CDH23: variants seen among roughly 807,000 people sequenced by gnomAD.
CDH23 encodes the protein cadherin related 23.
CDH23 carries 189 observed loss-of-function variants against 317.1 expected under a neutral mutation model. That is an observed-to-expected ratio of 0.60 (90% CI 0.53 to 0.67). The LOEUF (loss-of-function observed/expected upper bound fraction) is 0.67, where lower values mean the gene tolerates loss of function less well. Among genes scored for constraint, CDH23 ranks in the 30% least tolerant of loss-of-function variants. CDH23 has a pLI of 0.00. For synonymous variants in CDH23, 1,839 were observed against 1,876.8 expected, an observed-to-expected ratio of 0.98 and a Z score of 0.52; for missense variants, 4,401 against 4,592.4, an observed-to-expected ratio of 0.96 and a Z score of 1.20.
rs75395619 is a variant in CDH23, at chr10:71,618,770, C to G, written c.1134+1377C>G. Among the ~76,000 whole-genome samples the G allele has an allele frequency of 3.2e-3, 490 of 152,182 alleles. 4 individuals carry two copies. Among genetic ancestry groups the G allele is most frequent in the Non-Finnish European group, 4.9e-3 (331 of 68,022 alleles). The stretch of plus-strand genomic sequence containing the variant: ...CTCCTCTCAACCAGACATGGTCCCC[C>G]CAAGGACTCAGGGCACGTGGGCAAG... On this transcript the variant is annotated intron_variant, in intron 11 of 69. Coordinates refer to ENST00000224721, the MANE Select transcript of CDH23 (RefSeq NM_022124.6).
chr10:71,805,627 A>T (rs1160587124), intron 55 of CDH23, among the ~76,000 whole-genome samples, 179 bp from the exon 56 acceptor site: 1 of 152,236 alleles, frequency 6.6e-6, no homozygotes, highest in Admixed American at 6.5e-5. Context: ...GAGGGACAAC[A>T]GCTAGCAGAA....
intron 18 of CDH23, among the ~76,000 whole-genome samples, chr10:71,686,695 C>T (rs1175952151): frequency 6.6e-6 from 1 of 152,146 alleles, no homozygotes; most frequent in Non-Finnish European, 1.5e-5. Context: ...AACATAAAGA[C>T]TGCCCAACGG....
rs1214388786 is a variant in CDH23 at position 71,707,071 on chromosome 10, A to T, written c.3106+22A>T. On this transcript the variant is annotated intron_variant, in intron 26 of 69. Transcript: ENST00000224721. Reference sequence around the variant, plus strand: ...ACAGGTGCTGCCCCGGCCTCCGCCCACCTGTGCAGGCCTCCTGGGGCCCTG... The same window carrying T: ...ACAGGTGCTGCCCCGGCCTCCGCCCTCCTGTGCAGGCCTCCTGGGGCCCTG... 7 of 1,590,364 alleles carry T rather than the reference A, an allele frequency of 4.4e-6. No individual in the cohort carries two copies. The East Asian group carries it at 1.6e-4, about 36-fold the overall frequency.
intron 38 of CDH23, among the ~76,000 whole-genome samples, chr10:71,753,429 G>A (rs1401900013): frequency 6.6e-6 from 1 of 152,210 alleles, no homozygotes; most frequent in African/African-American, 2.4e-5. Flanking sequence ...CTTTAGCCAT[G>A]ACTTACTGGG....
chr10:71,421,512 C>T (rs894864762), intron 1 of CDH23, among the ~76,000 whole-genome samples: 3 of 151,812 alleles, frequency 2.0e-5, no homozygotes, highest in African/African-American at 7.3e-5. Flanking sequence ...TGCAGACAGC[C>T]CTTCATCATG....
chr10:71,685,347 C>A lies in CDH23; in HGVS notation c.1987-2300C>A, dbSNP rs151172663. 7.1e-3 allele frequency among the ~76,000 whole-genome samples: 1,079 copies of A among 152,316 alleles called. 10 individuals carry two copies. Among genetic ancestry groups the A allele is most frequent in the African/African-American group, 0.025 (1,031 of 41,558 alleles). ...TTTGAAACCTGAGCTCTGCTCCAAA[C>A]CCCAGACCTGTCCCAACCTGTAGCT... On this transcript the variant is annotated intron_variant, in intron 18 of 69. Transcript: ENST00000224721.
intron 52 of CDH23, 62 bp from the exon 53 acceptor site, chr10:71,800,574 T>C (rs1419744302): frequency 1.3e-6 from 2 of 1,553,550 alleles, no homozygotes; most frequent in African/African-American, 1.4e-5. Context: ...CTGGCCATAG[T>C]AGGTGCTCAA....
chr10:71,545,900 C>A (rs1442619049), intron 6 of CDH23, among the ~76,000 whole-genome samples: 2 of 152,130 alleles, frequency 1.3e-5, no homozygotes, highest in Non-Finnish European at 2.9e-5. Flanking sequence ...CCACCCCCAC[C>A]CCCCAGGGAG....
At chr10:71,688,630 G>C (rs1179140054) in intron 19 of CDH23, among the ~76,000 whole-genome samples, 12 of 140,938 alleles carry the variant, frequency 8.5e-5, no homozygotes, top group East Asian at 4.5e-4. Context: ...GTGGAGCCAG[G>C]GGTGGTGGAG....
At chr10:71,713,500 G>T (rs1468947286) in intron 28 of CDH23, 1 of 553,174 alleles carries the variant, frequency 1.8e-6, no homozygotes, top group African/African-American at 1.9e-5. Context: ...GGACAGAAGC[G>T]TGGGAGGCTG....
chr10:71,546,020 C>A (rs1451731965), intron 6 of CDH23, among the ~76,000 whole-genome samples: 2 of 152,128 alleles, frequency 1.3e-5, no homozygotes, highest in Non-Finnish European at 2.9e-5. Context: ...CTTGTGTAAC[C>A]CGGCTGTCCA....
Position 71,807,659 on chromosome 10 carries a change from T to G in CDH23, c.8452T>G (p.Ser2818Ala). 1 of 1,613,836 alleles carries G rather than the reference T, an allele frequency of 6.2e-7. No individual in the cohort carries two copies. The highest frequency in any genetic ancestry group is 8.5e-7 in the Non-Finnish European group (1 of 1,179,838). The change falls in exon 59 of 70, where the codon TCC (serine) becomes GCC (alanine). Residue 2818 changes from serine to alanine, a missense_variant. Physicochemically the swap from Ser to Ala is moderately conservative, Grantham distance 99 (BLOSUM62 1). Around this residue, in one of 3 missense-constraint regions of CDH23, gnomAD observed 1,144 missense variants for 1,138.2 expected, o/e 1.01. Coordinates refer to ENST00000224721, the MANE Select transcript of CDH23 (RefSeq NM_022124.6). ...NRSWTPPRGPSPTLDLVADLT... is the reference protein window; with the variant it reads ...NRSWTPPRGPAPTLDLVADLT... ...CAGCTGGACACCTCCCCGTGGACCC[T>G]CCCCAACCCTCGACCTGGTTGCTGA...
At chr10:71,705,502 G>A (rs1865753210) in intron 25 of CDH23, among the ~76,000 whole-genome samples, 1 of 152,170 alleles carries the variant, frequency 6.6e-6, no homozygotes, top group Non-Finnish European at 1.5e-5. Flanking sequence ...TCTTTGGAAG[G>A]CCAGAGTTTT....
At chr10:71,608,452 C>T (rs958240735) in intron 9 of CDH23, among the ~76,000 whole-genome samples, 6 of 152,216 alleles carry the variant, frequency 3.9e-5, no homozygotes, top group African/African-American at 1.2e-4. Flanking sequence ...CCTAAGATCC[C>T]GAGCTCCTCA....
chr10:71,709,137 A>G lies in CDH23; in HGVS notation c.3146A>G (p.Asp1049Gly), dbSNP rs752395991. The G allele has an allele frequency of 4.3e-6, 7 of 1,613,832 alleles. No individual in the cohort carries two copies. In the African/African-American group the frequency reaches 5.3e-5, roughly 12 times the overall value. Residue 1049 changes from aspartate (D) to glycine (G), a missense_variant, in exon 27 of 70, where the codon GAT becomes GGT. By Grantham distance (94) the Asp-to-Gly change is moderately conservative (BLOSUM62 -1). Coordinates refer to ENST00000224721, the MANE Select transcript of CDH23 (RefSeq NM_022124.6). Reference sequence around the variant, plus strand: ...GGGAAGTTCAGCGTGGGTTACCGCGATGCCGTTGTGAGAACCGTGGTGGGC... The same window carrying G: ...GGGAAGTTCAGCGTGGGTTACCGCGGTGCCGTTGTGAGAACCGTGGTGGGC... Reference protein sequence around the residue: ...VDGKFSVGYRDAVVRTVVGLD... With the variant: ...VDGKFSVGYRGAVVRTVVGLD...
At chr10:71,413,124 G>A (rs1288594388) in intron 1 of CDH23, among the ~76,000 whole-genome samples, 2 of 152,060 alleles carry the variant, frequency 1.3e-5, no homozygotes, top group Non-Finnish European at 2.9e-5. Context: ...TTATGTTTAG[G>A]TCTTTTATCT....
chr10:71,589,700 G>A (rs775623502), intron 9 of CDH23, among the ~76,000 whole-genome samples: 12 of 152,330 alleles, frequency 7.9e-5, no homozygotes, highest in African/African-American at 2.2e-4. Context: ...GTTGCCACCC[G>A]CAGGGTAGGG....
intron 47 of CDH23, 81 bp downstream of exon 47, chr10:71,791,416 C>T (rs907098949): frequency 1.8e-4 from 222 of 1,250,176 alleles, no homozygotes; most frequent in Non-Finnish European, 2.1e-4. Flanking sequence ...AGGTTGGACA[C>T]GGAGTTTGCC....
intron 3 of CDH23, among the ~76,000 whole-genome samples, chr10:71,462,960 T>A (rs191014783): frequency 6.6e-6 from 1 of 152,342 alleles, no homozygotes; most frequent in East Asian, 1.9e-4. Flanking sequence ...AACAACCTCT[T>A]CATTGGCCTA....
Sources: allele counts gnomAD v4.1 joint callset (sites outside exome capture counted in the v4.1 genomes callset), GRCh38; gene constraint gnomAD v4.1.1; regional missense constraint gnomAD v4.1.1; transcripts MANE v1.5; gene names NCBI Gene and HGNC (gene_info 2026-07-23, HGNC 2026-07-21).